DHX35: variants seen among roughly 807,000 people sequenced by gnomAD.
The protein encoded by DHX35 is probable ATP-dependent RNA helicase DHX35.
Under a neutral mutation model 99.6 loss-of-function variants are expected in DHX35, and 84 were observed. The ratio of observed to expected loss-of-function variants is 0.84; its 90% CI spans 0.71 to 1.01. The LOEUF is 1.01. Ranked by LOEUF, DHX35 falls within the 50% of genes least tolerant of loss-of-function variation. DHX35 has a pLI of 0.00. For missense variants in DHX35, 852 were observed against 888.5 expected (o/e 0.96, Z 0.52); for synonymous variants, 331 against 316.2 (o/e 1.05, Z -0.50).
chr20:38,981,652 A>G, intron 3 of DHX35, among the ~76,000 whole-genome samples: 1 of 152,142 alleles, frequency 6.6e-6, no homozygotes, highest in East Asian at 1.9e-4. Flanking sequence ...TTTAGAAATC[A>G]TGATCTGGGG....
At chr20:39,007,995 A>T (rs2145907592) in intron 12 of DHX35, among the ~76,000 whole-genome samples, 1 of 152,334 alleles carries the variant, frequency 6.6e-6, no homozygotes, top group East Asian at 1.9e-4. Flanking sequence ...CTAGTTTCAG[A>T]ACATTTCAGC....
intron 5 of DHX35, among the ~76,000 whole-genome samples, chr20:38,989,119 A>T (rs1315476863): frequency 1.5e-5 from 2 of 136,350 alleles, no homozygotes; most frequent in African/African-American, 5.7e-5. Context: ...TTTTTTTGAG[A>T]CAGAGTCTCT....
At chr20:38,997,515 G>A (rs1360358218) in intron 8 of DHX35, among the ~76,000 whole-genome samples, 1 of 152,146 alleles carries the variant, frequency 6.6e-6, no homozygotes, top group African/African-American at 2.4e-5. Context: ...TTTTGTAAGC[G>A]GGAAGACAGC....
At chr20:38,966,048 A>T (rs188711050) in intron 1 of DHX35, among the ~76,000 whole-genome samples, 1 of 152,244 alleles carries the variant, frequency 6.6e-6, no homozygotes, top group Non-Finnish European at 1.5e-5. Flanking sequence ...CTATTTCATT[A>T]TTTAAAAAGT....
At position 39,025,280 on chromosome 20, in the gene DHX35, T is replaced by A. The variant is rs772008090; in HGVS notation, c.1722T>A (p.Gly574=). The change falls in exon 18 of 22, where the codon GGT becomes GGA. Residue 574 remains glycine, a synonymous_variant. Transcript: ENST00000252011. ...AGGAACATTTCCTGAATTACAAGGG[T>A]CTTGTCAGAGCTGCGACTGTAAGAG... ...WCQEHFLNYK[G]LVRAATVREQ... The A allele has an allele frequency of 6.2e-7, 1 of 1,613,514 alleles. No individual in the cohort carries two copies. Among genetic ancestry groups the A allele is most frequent in the Admixed American group, 1.7e-5 (1 of 59,918 alleles).
chr20:38,973,515 G>A (rs576623361), intron 3 of DHX35, among the ~76,000 whole-genome samples: 76 of 152,074 alleles, frequency 5.0e-4, no homozygotes, highest in Non-Finnish European at 9.3e-4. Flanking sequence ...TGAACACAAG[G>A]GTAGCTCTTA....
intron 10 of DHX35, among the ~76,000 whole-genome samples, 192 bp from the exon 11 acceptor site, chr20:39,003,555 ATT>A (rs2086559253): frequency 6.6e-6 from 1 of 152,156 alleles, no homozygotes; most frequent in Non-Finnish European, 1.5e-5. Context: ...TAGTTGCAAA[ATT>A]TCACCCATTG....
chr20:38,994,133 G>T (rs1344461407), intron 7 of DHX35, among the ~76,000 whole-genome samples: 2 of 152,122 alleles, frequency 1.3e-5, no homozygotes, highest in South Asian at 2.1e-4. Flanking sequence ...CATTGCCAAA[G>T]ATTTAGATTT....
At position 39,038,822 on chromosome 20, in the gene DHX35, C is replaced by A. The variant is rs2087198861; in HGVS notation, c.*279C>A. 1 of 501,176 alleles carries A rather than the reference C, an allele frequency of 2.0e-6. No homozygotes were observed. Among genetic ancestry groups the A allele is most frequent in the African/African-American group, 1.9e-5 (1 of 51,554 alleles). 31.0% of individuals were successfully genotyped at this position (501,176 alleles called of 1,614,324 possible). The stretch of plus-strand genomic sequence containing the variant: ...TCAGCACGCTCACTAACCCAGCATG[C>A]CACTTCCAGCAGGCATGCAGTCCTG... On this transcript the variant is annotated 3_prime_UTR_variant, in exon 22 of 22. Coordinates refer to ENST00000252011, the MANE Select transcript of DHX35 (RefSeq NM_021931.4).
chr20:39,020,730 C>G (rs2086861114), intron 15 of DHX35, among the ~76,000 whole-genome samples: 1 of 145,240 alleles, frequency 6.9e-6, no homozygotes, highest in Non-Finnish European at 1.5e-5. Context: ...GCAATCTCAG[C>G]TCACTACAAC....
intron 19 of DHX35, chr20:39,030,494 C>CGG: frequency 1.8e-6 from 1 of 558,510 alleles, no homozygotes; most frequent in Admixed American, 3.3e-5. Context: ...CTTTTCTCCT[C>CGG]TTCGCTTTTT....
At chr20:39,029,491 T>C (rs1356377399) in intron 19 of DHX35, 1 of 151,396 alleles carries the variant, frequency 6.6e-6, no homozygotes, top group East Asian at 1.9e-4. Flanking sequence ...ATCTCTAGTA[T>C]GTTCTCTTTG....
intron 15 of DHX35, among the ~76,000 whole-genome samples, chr20:39,019,106 C>T (rs1477166787): frequency 1.3e-5 from 2 of 152,126 alleles, no homozygotes; most frequent in Non-Finnish European, 2.9e-5. Context: ...CCATCAGCAC[C>T]ATCCATTTCT....
At position 39,023,781 on chromosome 20, in the gene DHX35, C is replaced by T. The variant is rs755776626; in HGVS notation, c.1671+14C>T. On this transcript the variant is annotated intron_variant, in intron 17 of 21. Coordinates refer to ENST00000252011, the MANE Select transcript of DHX35 (RefSeq NM_021931.4). ...GCATTTATCAAAGTAAGCACAACTA[C>T]TGCTCGAAGTGCCGCCTCAACACAC... is the stretch of plus-strand genomic sequence containing the variant. 6.2e-7 allele frequency: 1 copy of T among 1,610,958 alleles called. No homozygotes were observed. Among genetic ancestry groups the T allele is most frequent in the Non-Finnish European group, 8.5e-7 (1 of 1,177,302 alleles).
rs761290902 is a variant in DHX35 at position 39,002,888 on chromosome 20, C to G, written c.852+20C>G. 217 of 1,596,188 alleles carry G rather than the reference C, an allele frequency of 1.4e-4. No individual in the cohort carries two copies. The highest frequency in any genetic ancestry group is 5.0e-4 in the Middle Eastern group (3 of 6,054). On this transcript the variant is annotated intron_variant, in intron 10 of 21. Transcript: ENST00000252011. ...GGCCAGGTAATGCCACTGTACTTCTCTGATGAATAGACATGTTAAGACAGC... is the reference window on the plus strand; with the variant it reads ...GGCCAGGTAATGCCACTGTACTTCTGTGATGAATAGACATGTTAAGACAGC...
chr20:38,993,983 T>C (rs961126094), intron 7 of DHX35, among the ~76,000 whole-genome samples: 1 of 152,180 alleles, frequency 6.6e-6, no homozygotes, highest in African/African-American at 2.4e-5. Context: ...GTGGACCGGA[T>C]TGCTGAAGCC....
At chr20:39,004,961 C>G (rs2086588837) in intron 11 of DHX35, among the ~76,000 whole-genome samples, 1 of 152,156 alleles carries the variant, frequency 6.6e-6, no homozygotes, top group African/African-American at 2.4e-5. Flanking sequence ...ATCAGGAGAC[C>G]TGGATTCTGC....
At chr20:39,024,009 T>A (rs973834939) in intron 17 of DHX35, among the ~76,000 whole-genome samples, 1 of 152,202 alleles carries the variant, frequency 6.6e-6, no homozygotes, top group African/African-American at 2.4e-5. Flanking sequence ...GGAGATATGG[T>A]ACACTAGTGG....
chr20:38,971,198 T>C (rs532424628), intron 2 of DHX35, among the ~76,000 whole-genome samples: 1 of 151,680 alleles, frequency 6.6e-6, no homozygotes, highest in African/African-American at 2.4e-5. Flanking sequence ...ACTAAAAATA[T>C]AAAAAATTAG....
Sources: gnomAD v4.1 joint callset for allele counts (sites outside exome capture counted in the v4.1 genomes callset) on GRCh38, gnomAD v4.1.1 for gene constraint, MANE v1.5 for transcripts, NCBI Gene and HGNC (gene_info 2026-07-23, HGNC 2026-07-21) for gene names.